ZSCAN2: variants seen among roughly 807,000 people sequenced by gnomAD.
ZSCAN2 encodes zinc finger and SCAN domain containing 2, also known as zinc finger and SCAN domain-containing protein 2.
Under a neutral mutation model 47.8 loss-of-function variants are expected in ZSCAN2, and 26 were observed. That is an observed-to-expected ratio of 0.54 (90% CI 0.40 to 0.75). The LOEUF (loss-of-function observed/expected upper bound fraction) is 0.75. ZSCAN2 is among the 30% of genes least tolerant of loss of function. The probability of loss-of-function intolerance (pLI) is 0.00; values close to 1 mark genes in which losing one functional copy is unlikely to be tolerated. For synonymous variants in ZSCAN2, 305 were observed against 288.7 expected, an observed-to-expected ratio of 1.06 and a Z score of -0.57; for missense variants, 732 against 785.4, an observed-to-expected ratio of 0.93 and a Z score of 0.81.
At chr15:84,616,434 G>T in intron 2 of ZSCAN2, 1 of 1,570,684 alleles carries the variant, frequency 6.4e-7, no homozygotes, top group Non-Finnish European at 8.6e-7. Context: ...GTGATTTTCT[G>T]CCTGAGCTTT....
At chr15:84,606,847 T>C in intron 2 of ZSCAN2, 2 of 1,218,652 alleles carry the variant, frequency 1.6e-6, no homozygotes, top group Non-Finnish European at 2.0e-6. Context: ...ATTGTCTTTG[T>C]TGGTCTTTGT....
chr15:84,604,951 T>G (rs757095395), intron 2 of ZSCAN2, among the ~76,000 whole-genome samples: 3 of 152,098 alleles, frequency 2.0e-5, no homozygotes, highest in Non-Finnish European at 4.4e-5. Flanking sequence ...TTCGCCAGAC[T>G]GGTCTCAAGC....
rs182206103 is a variant in ZSCAN2 at position 84,613,709 on chromosome 15, C to T, written c.407-6893C>T. ...TTTTTTTTTGAGATAGAATCTCAGT[C>T]TGTCACCCAGGCTGGAGTGCAGTGG... On this transcript the variant is annotated intron_variant, in intron 2 of 2. Transcript: ENST00000546148. Among the ~76,000 whole-genome samples, 564 of 151,110 alleles carry T rather than the reference C, an allele frequency of 3.7e-3. 4 individuals are homozygous for T. Among genetic ancestry groups the T allele is most frequent in the African/African-American group, 0.013 (535 of 41,112 alleles).
At chr15:84,618,865 C>T (rs1719833181) in intron 2 of ZSCAN2, among the ~76,000 whole-genome samples, 1 of 152,096 alleles carries the variant, frequency 6.6e-6, no homozygotes, top group Admixed American at 6.5e-5. Context: ...TGCCCGGTGT[C>T]AGTCATTAAT....
At chr15:84,618,661 T>C (rs1049974405) in intron 2 of ZSCAN2, among the ~76,000 whole-genome samples, 1 of 151,684 alleles carries the variant, frequency 6.6e-6, no homozygotes, top group Non-Finnish European at 1.5e-5. Context: ...TCCTGGGTTC[T>C]AGTGATTCTC....
At chr15:84,606,526 C>T (rs942665157) in intron 2 of ZSCAN2, 3 of 1,607,756 alleles carry the variant, frequency 1.9e-6, no homozygotes, top group Non-Finnish European at 2.6e-6. Flanking sequence ...CCCTATTTTA[C>T]AGCTGTAGCT....
chr15:84,622,628 G>T lies in ZSCAN2; in HGVS notation c.*588G>T, dbSNP rs1188359727. 7 of 717,356 alleles carry T rather than the reference G, an allele frequency of 9.8e-6. No homozygotes were observed. Among genetic ancestry groups the T allele is most frequent in the Non-Finnish European group, 1.6e-5 (6 of 385,096 alleles). The allele number at this position is 717,356 out of a possible 1,614,324, so 44.4% of individuals were successfully genotyped here. A position where few individuals can be genotyped will look rare whatever the true frequency, so the allele number is the denominator to read the frequency against. On this transcript the variant is annotated 3_prime_UTR_variant, in exon 3 of 3. Coordinates refer to ENST00000546148, the MANE Select transcript of ZSCAN2 (RefSeq NM_181877.4). Reference sequence around the variant, plus strand: ...TCTGAGTCACCCACGTGAAGGTAAAGACCCTTTCTATTTCCAGAAAGTGTC... The same window carrying T: ...TCTGAGTCACCCACGTGAAGGTAAATACCCTTTCTATTTCCAGAAAGTGTC...
Position 84,616,091 on chromosome 15 carries a change from G to T in ZSCAN2, c.407-4511G>T. Among the ~76,000 whole-genome samples, 2 of 152,098 alleles carry T rather than the reference G, an allele frequency of 1.3e-5. 1 individual carries two copies. The highest frequency in any genetic ancestry group is 2.9e-5 in the Non-Finnish European group (2 of 68,028). ...TCTATTAAAAATACAAAAACAATGA[G>T]CCGGGGGTGGTGGTGTGCACCTGTA... On this transcript the variant is annotated intron_variant, in intron 2 of 2. Coordinates refer to ENST00000546148, the MANE Select transcript of ZSCAN2 (RefSeq NM_181877.4).
intron 2 of ZSCAN2, among the ~76,000 whole-genome samples, chr15:84,607,203 G>A (rs1209291346): frequency 6.6e-6 from 1 of 152,132 alleles, no homozygotes; most frequent in Non-Finnish European, 1.5e-5. Flanking sequence ...TAATCCAGAT[G>A]CGTGGAGTTT....
intron 2 of ZSCAN2, chr15:84,616,407 G>C (rs1049639764): frequency 6.3e-7 from 1 of 1,594,762 alleles, no homozygotes; most frequent in South Asian, 1.1e-5. Context: ...GCTTACCCCA[G>C]TTCCCAAACA....
At chr15:84,616,823 GC>G (rs1895703945) in intron 2 of ZSCAN2, among the ~76,000 whole-genome samples, 1 of 152,086 alleles carries the variant, frequency 6.6e-6, no homozygotes, top group Non-Finnish European at 1.5e-5. Flanking sequence ...CTCAAAACTT[GC>G]CAAAAAACTG....
At chr15:84,619,885 A>G (rs564972902) in intron 2 of ZSCAN2, among the ~76,000 whole-genome samples, 1 of 149,798 alleles carries the variant, frequency 6.7e-6, no homozygotes, top group Non-Finnish European at 1.5e-5. Context: ...CACAAAGATT[A>G]TGAGGCCTGA....
chr15:84,603,389 G>C (rs1895270827), intron 1 of ZSCAN2, among the ~76,000 whole-genome samples: 1 of 141,422 alleles, frequency 7.1e-6, no homozygotes, highest in Non-Finnish European at 1.5e-5. Flanking sequence ...TTTTTTTTGA[G>C]ACGGAGTCTC....
chr15:84,606,932 T>A, intron 2 of ZSCAN2: 2 of 1,005,724 alleles, frequency 2.0e-6, no homozygotes, highest in Non-Finnish European at 2.4e-6. Flanking sequence ...TCTCAAACAT[T>A]TACTCGACAT....
In ZSCAN2 at chr15:84,620,979, G is replaced by T. The variant is rs767935582; in HGVS notation, c.784G>T (p.Gly262Cys). 7 of 1,613,576 alleles carry T rather than the reference G, an allele frequency of 4.3e-6. No homozygotes were observed. The highest frequency in any genetic ancestry group is 1.1e-5 in the South Asian group (1 of 91,036). The change falls in exon 3 of 3, where the codon GGT (glycine) becomes TGT (cysteine). Residue 262 changes from glycine (G) to cysteine (C), a missense_variant. Transcript: ENST00000546148. ...CDECGKSFSD[G>C]SNFSRHQTTH... is the part of the protein sequence containing the mutation. ...TGAATGTGGAAAAAGCTTTAGTGAT[G>T]GTTCAAATTTTAGTAGACACCAAAC...
chr15:84,604,285 G>C lies in ZSCAN2; in HGVS notation c.358G>C (p.Glu120Gln), dbSNP rs367729178. The C allele has an allele frequency of 6.2e-7, 1 of 1,613,850 alleles. No individual in the cohort carries two copies. Among genetic ancestry groups the C allele is most frequent in the African/African-American group, 1.3e-5 (1 of 74,948 alleles). ...AGAGCATCGGCCTGAAAGCAGTGAG[G>C]AGGCAGCGGCCCTGGTGGAAGACTT... Reference protein sequence around the residue: ...LQEHRPESSEEAAALVEDLTQ... With the variant: ...LQEHRPESSEQAAALVEDLTQ... Residue 120 changes from glutamate to glutamine, a missense_variant, in exon 2 of 3, where the codon GAG (glutamate) becomes CAG (glutamine). Around this residue, in one of 2 missense-constraint regions of ZSCAN2, gnomAD observed 320 missense variants for 287.4 expected, o/e 1.11. Transcript: ENST00000546148.
In ZSCAN2 at chr15:84,621,283, A is replaced by ACGT; in HGVS notation, c.1088_1089insCGT (p.Glu363delinsAspVal). ...ATCCACACTGGAGAAAAGCCCTACG[A>ACGT]ATGTAAAGAATGCGGCGAAAGCTTT... On this transcript the variant is annotated protein_altering_variant, in exon 3 of 3. Transcript: ENST00000546148. The surrounding 1 kb of genome is among the most constrained non-coding windows in gnomAD (Gnocchi z 5.7). 6.2e-7 allele frequency: 1 copy of ACGT among 1,613,948 alleles called. No homozygotes were observed. Among genetic ancestry groups the ACGT allele is most frequent in the Non-Finnish European group, 8.5e-7 (1 of 1,179,984 alleles).
chr15:84,606,759 A>C (rs963092609), intron 2 of ZSCAN2: 1 of 1,368,832 alleles, frequency 7.3e-7, no homozygotes, highest in African/African-American at 1.5e-5. Flanking sequence ...TTCATCTTTA[A>C]CTGGGCACCT....
At position 84,621,488 on chromosome 15, in the gene ZSCAN2, T is replaced by C. The variant is rs1304585432; in HGVS notation, c.1293T>C (p.Ser431=). The change falls in exon 3 of 3, where the codon TCT becomes TCC. Residue 431 remains serine, a synonymous_variant. Transcript: ENST00000546148. This position sits in a 1 kb window ranked among gnomAD's most constrained non-coding sequence, Gnocchi z 5.7. ...GTGGGAAAAGCTTCAGCCGCAGCTC[T>C]AACCTGGCCACACACCGGAGAACCC... ...SECGKSFSRS[S]NLATHRRTHM... is the part of the protein sequence containing the mutation. 11 of 1,606,560 alleles carry C rather than the reference T, an allele frequency of 6.8e-6. No individual in the cohort carries two copies. Among genetic ancestry groups the C allele is most frequent in the Non-Finnish European group, 9.3e-6 (11 of 1,178,028 alleles).
Sources: gnomAD v4.1 joint callset for allele counts (sites outside exome capture counted in the v4.1 genomes callset) on GRCh38, gnomAD v4.1.1 for gene constraint, gnomAD v4.1.1 regional missense constraint, Gnocchi (gnomAD v3.1) non-coding constraint, MANE v1.5 for transcripts, NCBI Gene and HGNC (gene_info 2026-07-23, HGNC 2026-07-21) for gene names.